Variants in GFPT2 observed in about 807,000 individuals in gnomAD.
GFPT2 encodes the protein glutamine--fructose-6-phosphate transaminase 2, also known as glutamine--fructose-6-phosphate aminotransferase [isomerizing] 2.
A neutral mutation model predicts 85.6 loss-of-function variants in GFPT2; 62 were observed. The observed-to-expected ratio is 0.72, with a 90% CI of 0.59 to 0.90. The LOEUF (loss-of-function observed/expected upper bound fraction) is 0.90. Ranked by LOEUF, GFPT2 falls within the 40% of genes least tolerant of loss-of-function variation. The pLI, the probability that GFPT2 is intolerant of heterozygous loss-of-function variation, is 0.00. For synonymous variants in GFPT2, 368 were observed against 344.5 expected, an observed-to-expected ratio of 1.07 and a Z score of -0.75; for missense variants, 788 against 893.4, an observed-to-expected ratio of 0.88 and a Z score of 1.50.
chr5:180,303,458 A>G (rs1333379663), intron 17 of GFPT2, among the ~76,000 whole-genome samples: 1 of 152,158 alleles, frequency 6.6e-6, no homozygotes, highest in Non-Finnish European at 1.5e-5. Context: ...GGGCGCAATG[A>G]GAGTGGGACG....
chr5:180,319,722 G>A (rs941519998), intron 9 of GFPT2, among the ~76,000 whole-genome samples: 3 of 152,140 alleles, frequency 2.0e-5, no homozygotes, highest in African/African-American at 4.8e-5. Flanking sequence ...CCTGATGGAA[G>A]GACACACCAC....
chr5:180,346,664 G>A lies in GFPT2; in HGVS notation c.7+6547C>T, dbSNP rs192650487. On this transcript the variant is annotated intron_variant, in intron 1 of 18. Transcript: ENST00000253778. ...CTGCAGGGTGCCCTCAGCCCAGTGC[G>A]TGCGCCCCTGGGGCCCCCAGGCCTA... 3.4e-4 allele frequency among the ~76,000 whole-genome samples: 52 copies of A among 152,232 alleles called. 1 individual carries two copies. Among genetic ancestry groups the A allele is most frequent in the African/African-American group, 1.2e-3 (51 of 41,550 alleles).
rs55945279 is a variant in GFPT2, at chr5:180,317,062, G to A, written c.959-4C>T. On this transcript the variant is annotated splice_polypyrimidine_tract_variant and splice_region_variant and intron_variant, in intron 10 of 18. Transcript: ENST00000253778. The stretch of plus-strand genomic sequence containing the variant: ...TGCATAAACGCACTGAAGTTACCTG[G>A]TCAAATAAACGTCTGGTCAGTTTTA... 8.3e-6 allele frequency: 13 copies of A among 1,560,506 alleles called. No individual in the cohort carries two copies. Among genetic ancestry groups the A allele is most frequent in the Non-Finnish European group, 1.1e-5 (13 of 1,131,140 alleles).
At chr5:180,315,241 G>A (rs960204642) in intron 13 of GFPT2, among the ~76,000 whole-genome samples, 6 of 151,212 alleles carry the variant, frequency 4.0e-5, no homozygotes, top group African/African-American at 9.7e-5. Context: ...GCAGTGGCGC[G>A]ATCTCAGCTC....
intron 9 of GFPT2, among the ~76,000 whole-genome samples, chr5:180,322,147 T>A (rs1047736357): frequency 1.3e-5 from 2 of 152,184 alleles, no homozygotes; most frequent in Admixed American, 1.3e-4. Flanking sequence ...CAATATTTTT[T>A]AAAAATAACT....
intron 16 of GFPT2, among the ~76,000 whole-genome samples, chr5:180,306,426 C>T (rs1379532490): frequency 6.6e-6 from 1 of 152,212 alleles, no homozygotes; most frequent in Admixed American, 6.5e-5. Context: ...TGAGCATCTG[C>T]TCCGTGCATG....
chr5:180,335,020 C>G (rs1177956135), intron 4 of GFPT2, among the ~76,000 whole-genome samples: 1 of 152,224 alleles, frequency 6.6e-6, no homozygotes, highest in African/African-American at 2.4e-5. Flanking sequence ...GCAAGTGACA[C>G]AGACCTGTGA....
intron 17 of GFPT2, among the ~76,000 whole-genome samples, chr5:180,303,468 G>A (rs977095131): frequency 7.9e-5 from 12 of 152,222 alleles, no homozygotes; most frequent in Admixed American, 2.6e-4. Flanking sequence ...AGAGTGGGAC[G>A]CAGAAGGAAA....
Position 180,330,654 on chromosome 5 carries a change from T to A in GFPT2, c.534+46A>T. ...TGCTGCTTGAAAAAAATGTTTTTAATGAAAGAATGAAGGAATGAGTTAGAC... is the reference window on the plus strand; with the variant it reads ...TGCTGCTTGAAAAAAATGTTTTTAAAGAAAGAATGAAGGAATGAGTTAGAC... On this transcript the variant is annotated intron_variant, in intron 6 of 18. Transcript: ENST00000253778. The surrounding 1 kb of genome is among the most constrained non-coding windows in gnomAD (Gnocchi z 4.4). 6.6e-7 allele frequency: 1 copy of A among 1,522,512 alleles called. No homozygotes were observed. Among genetic ancestry groups the A allele is most frequent in the Non-Finnish European group, 9.0e-7 (1 of 1,106,230 alleles). 94.3% of individuals were successfully genotyped at this position (1,522,512 alleles called of 1,614,324 possible).
At chr5:180,343,256 G>A (rs895785712) in intron 1 of GFPT2, among the ~76,000 whole-genome samples, 13 of 152,278 alleles carry the variant, frequency 8.5e-5, no homozygotes, top group Middle Eastern at 3.4e-3. Flanking sequence ...CCACCTCCCA[G>A]CCACACTTCA....
chr5:180,331,780 C>A, intron 4 of GFPT2: 1 of 540,904 alleles, frequency 1.8e-6, no homozygotes, highest in East Asian at 3.5e-5. Flanking sequence ...CAATGGGATC[C>A]GGAGGAAATA....
In GFPT2 at chr5:180,338,512, G is replaced by T; in HGVS notation, c.96C>A (p.Tyr32Ter). Residue 32 changes from tyrosine to a stop codon, truncating the protein, a stop_gained, in exon 2 of 19, where the codon TAC (tyrosine) becomes TAA (stop). Transcript: ENST00000253778. LOFTEE classifies it high-confidence loss of function. ...ACCCACCTGCCGAGTCGTAGCCTCT[G>T]TACTCCAGCCGCTGCAGGCCCTTGA... is the stretch of plus-strand genomic sequence containing the variant. ...TLIKGLQRLE[Y>*]RGYDSAGVAI... is the part of the protein sequence containing the mutation. 1 of 1,607,256 alleles carries T rather than the reference G, an allele frequency of 6.2e-7. No individual in the cohort carries two copies. The highest frequency in any genetic ancestry group is 1.3e-5 in the African/African-American group (1 of 74,938).
At chr5:180,345,023 C>T (rs1764580056) in intron 1 of GFPT2, among the ~76,000 whole-genome samples, 1 of 152,254 alleles carries the variant, frequency 6.6e-6, no homozygotes, top group South Asian at 2.1e-4. Flanking sequence ...ACCTCGAACC[C>T]CAGCTCCACC....
intron 14 of GFPT2, among the ~76,000 whole-genome samples, chr5:180,313,513 C>G (rs1044291602): frequency 5.9e-5 from 9 of 151,424 alleles, no homozygotes; most frequent in African/African-American, 1.9e-4. Flanking sequence ...TGGCGTGAAC[C>G]CGGGAGGCGG....
chr5:180,336,089 G>T, intron 3 of GFPT2, 136 bp from the exon 4 acceptor site: 1 of 765,098 alleles, frequency 1.3e-6, no homozygotes, highest in Non-Finnish European at 2.1e-6. Context: ...CACCCTGGGA[G>T]TCCGCGCAGG....
chr5:180,348,491 G>A (rs930428056), intron 1 of GFPT2, among the ~76,000 whole-genome samples: 13 of 152,230 alleles, frequency 8.5e-5, no homozygotes, highest in Non-Finnish European at 1.6e-4. Flanking sequence ...GAGGTGCCGC[G>A]GATGCATGTG....
intron 15 of GFPT2, among the ~76,000 whole-genome samples, chr5:180,310,691 G>A (rs1021305578): frequency 6.6e-6 from 1 of 151,522 alleles, no homozygotes; most frequent in South Asian, 2.1e-4. Context: ...GATTACAGGC[G>A]TGAGCCACCG....
chr5:180,329,654 ACT>A (rs1561879840), intron 6 of GFPT2, among the ~76,000 whole-genome samples: 2 of 152,118 alleles, frequency 1.3e-5, no homozygotes, highest in African/African-American at 4.8e-5. Flanking sequence ...TTTAAATCAG[ACT>A]CTGAAAACAC....
intron 7 of GFPT2, among the ~76,000 whole-genome samples, chr5:180,325,774 C>T (rs1025903490): frequency 6.6e-6 from 1 of 152,250 alleles, no homozygotes; most frequent in African/African-American, 2.4e-5. Flanking sequence ...CGCCTGTAAT[C>T]CCAGCACTTT....
Sources: gnomAD v4.1 joint callset for allele counts (sites outside exome capture counted in the v4.1 genomes callset) on GRCh38, gnomAD v4.1.1 for gene constraint, Gnocchi (gnomAD v3.1) non-coding constraint, MANE v1.5 for transcripts, NCBI Gene and HGNC (gene_info 2026-07-23, HGNC 2026-07-21) for gene names.